ZMYM2: variants seen among roughly 807,000 people sequenced by gnomAD.
The protein encoded by ZMYM2 is zinc finger MYM-type containing 2.
ZMYM2 carries 56 observed loss-of-function variants against 162.8 expected under a neutral mutation model. The ratio of observed to expected loss-of-function variants is 0.34; its 90% CI spans 0.28 to 0.43. The LOEUF (loss-of-function observed/expected upper bound fraction) is 0.43. ZMYM2 is among the 20% of genes least tolerant of loss of function. ZMYM2 has a pLI of 1.00. For synonymous variants in ZMYM2, 510 were observed against 541.6 expected (o/e 0.94, Z 0.81); for missense variants, 1,275 against 1,621.8 (o/e 0.79, Z 3.67).
Position 20,042,200 on chromosome 13 carries a change from G to A in ZMYM2, c.2292+5291G>A, listed in dbSNP as rs367872734. 1.4e-3 allele frequency among the ~76,000 whole-genome samples: 213 copies of A among 152,266 alleles called. 2 individuals are homozygous for A. In the South Asian group the frequency reaches 0.027, roughly 19 times the overall value. On this transcript the variant is annotated intron_variant, in intron 12 of 24. Coordinates refer to ENST00000610343, the MANE Select transcript of ZMYM2 (RefSeq NM_197968.4). Reference sequence around the variant, plus strand: ...CATCTCTTTCAGGGACACCAGTTGAGTTATAGATTTGGTCTCTTTACGTAA... The same window carrying A: ...CATCTCTTTCAGGGACACCAGTTGAATTATAGATTTGGTCTCTTTACGTAA...
intron 20 of ZMYM2, 22 bp downstream of exon 20, chr13:20,067,041 CTCCTAAG>C (rs757956737): frequency 1.9e-6 from 3 of 1,551,472 alleles, no homozygotes; most frequent in Admixed American, 2.1e-5. Context: ...AATTTTGTTT[CTCCTAAG>C]TCCTATTTAA....
chr13:19,982,827 A>G (rs1451784539), intron 2 of ZMYM2, among the ~76,000 whole-genome samples: 1 of 152,174 alleles, frequency 6.6e-6, no homozygotes, highest in Non-Finnish European at 1.5e-5. Flanking sequence ...CAGGCCTGCT[A>G]AGTCAGATAC....
At chr13:19,900,738 A>C in the ZMYM2 span, among the ~76,000 whole-genome samples, 1 of 152,094 alleles carries the variant, frequency 6.6e-6, no homozygotes, top group Non-Finnish European at 1.5e-5. Flanking sequence ...ATAAAATCCC[A>C]ACAAAGTACT....
intron 2 of ZMYM2, among the ~76,000 whole-genome samples, chr13:19,992,157 C>G (rs9315272): frequency 0.96 from 146,837 of 152,240 alleles, 71,045 homozygotes; most frequent in East Asian, 1. Context: ...GCAAAAAAAA[C>G]AATTTATGCT....
chr13:20,055,843 G>A (rs181082830), intron 14 of ZMYM2, among the ~76,000 whole-genome samples: 2 of 152,140 alleles, frequency 1.3e-5, no homozygotes, highest in Non-Finnish European at 2.9e-5. Context: ...CTCACAACAG[G>A]TTAATCGGGG....
intron 12 of ZMYM2, among the ~76,000 whole-genome samples, chr13:20,039,959 C>T (rs1250223653): frequency 6.6e-6 from 1 of 152,092 alleles, no homozygotes; most frequent in Non-Finnish European, 1.5e-5. Context: ...GTGAATAAGC[C>T]TTTTCGATGT....
At chr13:19,996,387 C>T (rs549324773) in intron 3 of ZMYM2, among the ~76,000 whole-genome samples, 4 of 151,962 alleles carry the variant, frequency 2.6e-5, no homozygotes, top group Admixed American at 6.6e-5. Flanking sequence ...TTCAGACCAG[C>T]CTCTGGGCAA....
At chr13:20,049,844 T>C (rs1020909173) in intron 12 of ZMYM2, among the ~76,000 whole-genome samples, 6 of 152,076 alleles carry the variant, frequency 3.9e-5, no homozygotes, top group Non-Finnish European at 8.8e-5. Flanking sequence ...GGTTCCTGCA[T>C]TGTTCGGAAT....
At position 20,058,618 on chromosome 13, in the gene ZMYM2, A is replaced by G; in HGVS notation, c.2537A>G (p.Lys846Arg). 6.2e-7 allele frequency: 1 copy of G among 1,613,846 alleles called. No homozygotes were observed. Among genetic ancestry groups the G allele is most frequent in the Non-Finnish European group, 8.5e-7 (1 of 1,179,788 alleles). The change falls in exon 15 of 25, where the codon AAG (lysine) becomes AGG (arginine). Residue 846 changes from lysine to arginine, a missense_variant. Physicochemically the swap from Lys to Arg is conservative, Grantham distance 26. Around this residue, in one of 10 missense-constraint regions of ZMYM2, gnomAD observed 177 missense variants for 228.0 expected, o/e 0.78. Coordinates refer to ENST00000610343, the MANE Select transcript of ZMYM2 (RefSeq NM_197968.4). ...PPSPTPNKEMKNKAVLCKPLT... is the reference protein window; with the variant it reads ...PPSPTPNKEMRNKAVLCKPLT... ...TCTCCAACACCTAACAAAGAGATGAAGAACAAAGCAGTTCTTTGCAAACCT... is the reference window on the plus strand; with the variant it reads ...TCTCCAACACCTAACAAAGAGATGAGGAACAAAGCAGTTCTTTGCAAACCT...
chr13:20,018,952 C>T (rs1235146650), intron 6 of ZMYM2, among the ~76,000 whole-genome samples: 2 of 151,814 alleles, frequency 1.3e-5, no homozygotes, highest in African/African-American at 2.4e-5. Flanking sequence ...TAGTGGCAGG[C>T]GCCTGTAATC....
At chr13:20,002,486 CT>C (rs1373277881) in intron 3 of ZMYM2, among the ~76,000 whole-genome samples, 1 of 152,032 alleles carries the variant, frequency 6.6e-6, no homozygotes, top group Non-Finnish European at 1.5e-5. Flanking sequence ...ATTCTTTTTT[CT>C]TTTAATTAAT....
the ZMYM2 span, among the ~76,000 whole-genome samples, chr13:19,891,180 A>T: frequency 6.6e-6 from 1 of 151,882 alleles, no homozygotes; most frequent in South Asian, 2.1e-4. Context: ...CTCTAATAGG[A>T]CTAGACTAGG....
intron 2 of ZMYM2, among the ~76,000 whole-genome samples, chr13:19,962,824 A>T (rs1203076036): frequency 2.3e-4 from 26 of 113,518 alleles, no homozygotes; most frequent in South Asian, 8.4e-4. Context: ...TTGCCCAGCC[A>T]TTTTTTTTTT....
At chr13:20,042,582 A>T (rs1366178254) in intron 12 of ZMYM2, among the ~76,000 whole-genome samples, 1 of 151,982 alleles carries the variant, frequency 6.6e-6, no homozygotes, top group East Asian at 1.9e-4. Context: ...CCCTTACTGG[A>T]GAGGTAGTAC....
At chr13:19,887,714 C>A in the ZMYM2 span, among the ~76,000 whole-genome samples, 1 of 151,748 alleles carries the variant, frequency 6.6e-6, no homozygotes, top group Non-Finnish European at 1.5e-5. Flanking sequence ...AGATTATTTT[C>A]TTGTTTTCAC....
the ZMYM2 span, among the ~76,000 whole-genome samples, chr13:19,941,603 AT>A: frequency 6.7e-6 from 1 of 149,578 alleles, no homozygotes; most frequent in African/African-American, 2.4e-5. Flanking sequence ...GCTTTCTGTG[AT>A]TGGTTAAAGC....
chr13:19,984,855 A>AT (rs1393559924), intron 2 of ZMYM2, among the ~76,000 whole-genome samples: 1 of 152,160 alleles, frequency 6.6e-6, no homozygotes, highest in Non-Finnish European at 1.5e-5. Flanking sequence ...AGGCTACACT[A>AT]TTTTCTTCTA....
the ZMYM2 span, among the ~76,000 whole-genome samples, chr13:19,926,193 T>G: frequency 3.3e-5 from 5 of 151,470 alleles, no homozygotes; most frequent in African/African-American, 1.2e-4. Context: ...ACTCCTGACC[T>G]CAGGTGTTCC....
At chr13:19,959,684 C>G (rs1397519419) in intron 1 of ZMYM2, among the ~76,000 whole-genome samples, 1 of 152,156 alleles carries the variant, frequency 6.6e-6, no homozygotes, top group South Asian at 2.1e-4. Flanking sequence ...TTCCCTTCCC[C>G]CCTCCCTTCC....
Sources: allele counts gnomAD v4.1 joint callset (sites outside exome capture counted in the v4.1 genomes callset), GRCh38; gene constraint gnomAD v4.1.1; regional missense constraint gnomAD v4.1.1; transcripts MANE v1.5; gene names NCBI Gene and HGNC (gene_info 2026-07-23, HGNC 2026-07-21).